The following MYO16 variants were observed in gnomAD, a reference collection of about 807,000 sequenced individuals.
MYO16 encodes the protein myosin XVI.
MYO16 carries 94 observed loss-of-function variants against 205.3 expected under a neutral mutation model. The observed-to-expected ratio is 0.46, with a 90% confidence interval of 0.39 to 0.54. The LOEUF is 0.54. Among genes scored for constraint, MYO16 ranks in the 20% least tolerant of loss-of-function variants. MYO16 has a pLI of 0.00. For missense variants in MYO16, 2,315 were observed against 2,387.5 expected (o/e 0.97, Z 0.63); for synonymous variants, 988 against 954.0 (o/e 1.04, Z -0.66).
intron 7 of MYO16, among the ~76,000 whole-genome samples, chr13:108,820,052 G>A (rs531726712): frequency 3.2e-4 from 49 of 152,254 alleles, no homozygotes; most frequent in African/African-American, 7.9e-4. Context: ...CTAAAAATAC[G>A]TATAATATAA....
chr13:108,566,636 A>G, the MYO16 span, among the ~76,000 whole-genome samples: 1 of 151,266 alleles, frequency 6.6e-6, no homozygotes, highest in Non-Finnish European at 1.5e-5. Flanking sequence ...TGTAAGAAAG[A>G]AAGAAAAGAA....
At chr13:108,725,937 A>C (rs1263535612) in intron 3 of MYO16, among the ~76,000 whole-genome samples, 3 of 152,132 alleles carry the variant, frequency 2.0e-5, no homozygotes, top group Non-Finnish European at 4.4e-5. Flanking sequence ...CCCATCATTC[A>C]GAGGTCATAT....
chr13:108,752,961 A>T (rs1404697619), intron 4 of MYO16, among the ~76,000 whole-genome samples: 1 of 151,702 alleles, frequency 6.6e-6, no homozygotes, highest in Non-Finnish European at 1.5e-5. Context: ...AACACTATTA[A>T]GTTTTTGTAT....
intron 24 of MYO16, 59 bp from the exon 25 acceptor site, chr13:109,052,241 T>G: frequency 2.1e-6 from 3 of 1,452,874 alleles, no homozygotes; most frequent in Non-Finnish European, 2.9e-6. Flanking sequence ...GAAGAATAAG[T>G]TCAATGCTTA....
At chr13:109,092,030 G>A (rs1888638602) in intron 27 of MYO16, among the ~76,000 whole-genome samples, 1 of 152,070 alleles carries the variant, frequency 6.6e-6, no homozygotes, top group South Asian at 2.1e-4. Flanking sequence ...GCATTTCTTG[G>A]CAGATTATGT....
chr13:108,539,236 C>A, the MYO16 span, among the ~76,000 whole-genome samples: 1 of 152,106 alleles, frequency 6.6e-6, no homozygotes, highest in Non-Finnish European at 1.5e-5. Context: ...ATTTAATGCT[C>A]AGACACATAA....
chr13:108,915,943 C>A (rs1482243277), intron 16 of MYO16, among the ~76,000 whole-genome samples: 2 of 152,148 alleles, frequency 1.3e-5, no homozygotes, highest in African/African-American at 4.8e-5. Flanking sequence ...GAAGCCACGG[C>A]AAGCAGCTCC....
At chr13:108,544,385 A>G in the MYO16 span, among the ~76,000 whole-genome samples, 7 of 152,120 alleles carry the variant, frequency 4.6e-5, no homozygotes, top group East Asian at 1.2e-3. Flanking sequence ...AACTTTTTAA[A>G]TTTTTAATTT....
the MYO16 span, among the ~76,000 whole-genome samples, chr13:108,588,975 C>T: frequency 6.6e-6 from 1 of 151,900 alleles, no homozygotes; most frequent in Admixed American, 6.6e-5. Context: ...GTGTACAACA[C>T]ATTGGAATCG....
intron 27 of MYO16, among the ~76,000 whole-genome samples, chr13:109,070,591 T>G (rs1887893590): frequency 6.6e-6 from 1 of 152,202 alleles, no homozygotes; most frequent in African/African-American, 2.4e-5. Flanking sequence ...AGTGAGATAA[T>G]GATCCCAGGT....
chr13:108,777,368 G>C (rs1418186604), intron 4 of MYO16, among the ~76,000 whole-genome samples: 1 of 152,080 alleles, frequency 6.6e-6, no homozygotes, highest in Admixed American at 6.5e-5. Flanking sequence ...AAAGGCGGGG[G>C]GTAAAGATAA....
intron 3 of MYO16, among the ~76,000 whole-genome samples, chr13:108,714,795 A>AAC (rs1413725675): frequency 6.6e-6 from 1 of 152,086 alleles, no homozygotes; most frequent in African/African-American, 2.4e-5. Context: ...ACTTTTAATG[A>AAC]ACACATATAT....
At chr13:109,039,407 G>A (rs1255226757) in intron 23 of MYO16, among the ~76,000 whole-genome samples, 1 of 152,180 alleles carries the variant, frequency 6.6e-6, no homozygotes, top group Non-Finnish European at 1.5e-5. Flanking sequence ...TTCTTTTCGA[G>A]TACCCATGGG....
chr13:109,032,795 A>C (rs974627061), intron 23 of MYO16, among the ~76,000 whole-genome samples: 24 of 152,112 alleles, frequency 1.6e-4, no homozygotes, highest in African/African-American at 5.6e-4. Flanking sequence ...AGGAACTTTA[A>C]CTTTTAGCAC....
chr13:109,173,947 T>TGCA lies in MYO16; in HGVS notation c.5324-5594_5324-5593insCAG, dbSNP rs35729053. Among the ~76,000 whole-genome samples the TGCA allele has an allele frequency of 1.7e-5, 2 of 115,184 alleles. 1 individual carries two copies. Among genetic ancestry groups the TGCA allele is most frequent in the Non-Finnish European group, 3.5e-5 (2 of 57,936 alleles). 75.6% of individuals were successfully genotyped at this position (115,184 alleles called of 152,430 possible). A position where few individuals can be genotyped will look rare whatever the true frequency, so the allele number is the denominator to read the frequency against. On this transcript the variant is annotated intron_variant, in intron 33 of 34. Transcript: ENST00000457511. ...TCTGAAAGGGTTGTCCTTGTTTTGA[T>TGCA]GGGGGGGGGTACTCTCTGCTGTTTT... is the stretch of plus-strand genomic sequence containing the variant.
At chr13:108,740,342 T>C (rs1328181951) in intron 4 of MYO16, among the ~76,000 whole-genome samples, 1 of 152,196 alleles carries the variant, frequency 6.6e-6, no homozygotes, top group African/African-American at 2.4e-5. Context: ...TTTGCTAGTT[T>C]TCCTTCTAAC....
chr13:108,859,361 T>C (rs1878348947), intron 11 of MYO16, among the ~76,000 whole-genome samples: 1 of 152,224 alleles, frequency 6.6e-6, no homozygotes, highest in Non-Finnish European at 1.5e-5. Context: ...AAGAAGTTAA[T>C]ATTTACTCAT....
At chr13:108,921,254 C>T (rs921993115) in intron 16 of MYO16, among the ~76,000 whole-genome samples, 5 of 152,180 alleles carry the variant, frequency 3.3e-5, no homozygotes, top group Admixed American at 6.5e-5. Context: ...TCCTCTGGGT[C>T]TGGAGTGACC....
chr13:108,774,526 C>A (rs565188236), intron 4 of MYO16, among the ~76,000 whole-genome samples: 3 of 152,180 alleles, frequency 2.0e-5, no homozygotes, highest in African/African-American at 7.2e-5. Context: ...AATTTTATTT[C>A]TCTGATGAAA....
Sources: gnomAD v4.1 joint callset for allele counts (sites outside exome capture counted in the v4.1 genomes callset) on GRCh38, gnomAD v4.1.1 for gene constraint, MANE v1.5 for transcripts, NCBI Gene and HGNC (gene_info 2026-07-23, HGNC 2026-07-21) for gene names.